KCNQ3: variants seen among roughly 807,000 people sequenced by gnomAD.
The protein encoded by KCNQ3 is potassium voltage-gated channel subfamily KQT member 3.
A neutral mutation model predicts 92.5 loss-of-function variants in KCNQ3; 30 were observed. The ratio of observed to expected loss-of-function variants is 0.32; its 90% CI spans 0.24 to 0.44. The LOEUF is 0.44. Ranked by LOEUF, KCNQ3 falls within the 20% of genes least tolerant of loss-of-function variation. The probability of loss-of-function intolerance (pLI) is 1.00; values close to 1 mark genes in which losing one functional copy is unlikely to be tolerated. For synonymous variants in KCNQ3, 450 were observed against 468.8 expected (o/e 0.96, Z 0.52); for missense variants, 913 against 1,140.3 (o/e 0.80, Z 2.87).
At chr8:132,193,813 G>A (rs1468077914) in intron 1 of KCNQ3, among the ~76,000 whole-genome samples, 1 of 152,224 alleles carries the variant, frequency 6.6e-6, no homozygotes, top group African/African-American at 2.4e-5. Flanking sequence ...CAAAGGGAGT[G>A]AGAAGTCAGA....
At chr8:132,357,590 T>C (rs1819052059) in intron 1 of KCNQ3, among the ~76,000 whole-genome samples, 1 of 152,126 alleles carries the variant, frequency 6.6e-6, no homozygotes, top group Non-Finnish European at 1.5e-5. Flanking sequence ...AAAGGAGATA[T>C]GGGATGAGCG....
chr8:132,339,687 C>A (rs1357412158), intron 1 of KCNQ3, among the ~76,000 whole-genome samples: 3 of 152,112 alleles, frequency 2.0e-5, no homozygotes, highest in Admixed American at 1.3e-4. Flanking sequence ...GCTTATATGA[C>A]AAGCAAACAG....
At chr8:132,352,302 G>C (rs1818897469) in intron 1 of KCNQ3, among the ~76,000 whole-genome samples, 1 of 152,146 alleles carries the variant, frequency 6.6e-6, no homozygotes, top group Admixed American at 6.5e-5. Context: ...GGAGCATTCA[G>C]CGATGCCTGG....
intron 9 of KCNQ3, among the ~76,000 whole-genome samples, chr8:132,153,231 G>A (rs1399513170): frequency 1.3e-5 from 2 of 152,134 alleles, no homozygotes; most frequent in African/African-American, 4.8e-5. Flanking sequence ...CAGATGACAG[G>A]AATAAATAGA....
intron 1 of KCNQ3, among the ~76,000 whole-genome samples, chr8:132,227,060 CTTTT>C (rs923601765): frequency 6.1e-5 from 5 of 82,540 alleles, no homozygotes; most frequent in Admixed American, 1.2e-4. Context: ...ATATCTCACT[CTTTT>C]TTTTTTTTTT....
At position 132,140,157 on chromosome 8, in the gene KCNQ3, A is replaced by G. The variant is rs1450561487; in HGVS notation, c.1487T>C (p.Met496Thr). 1 of 1,613,388 alleles carries G rather than the reference A, an allele frequency of 6.2e-7. No homozygotes were observed. Among genetic ancestry groups the G allele is most frequent in the East Asian group, 2.2e-5 (1 of 44,872 alleles). The change falls in exon 11 of 15, where the codon ATG (methionine) becomes ACG (threonine). Residue 496 changes from methionine (M) to threonine (T), a missense_variant. Met to Thr is a moderately conservative substitution (Grantham distance 81). This residue lies in a region of KCNQ3 where 182 missense variants were observed against 234.5 expected (regional missense o/e 0.78). Transcript: ENST00000388996. ...SSEDAGTGDP[M>T]AEDRGYGNDF... ...ATTCCCATAGCCCCTGTCTTCCGCC[A>G]TGGGGTCACCTGTCCCGGCATCTGG...
chr8:132,139,604 T>C (rs1825218036), intron 11 of KCNQ3, among the ~76,000 whole-genome samples: 1 of 152,226 alleles, frequency 6.6e-6, no homozygotes, highest in Non-Finnish European at 1.5e-5. Context: ...ATAGGTAGAA[T>C]GGATTATGGT....
chr8:132,234,355 T>G (rs1009699676), intron 1 of KCNQ3, among the ~76,000 whole-genome samples: 4 of 139,058 alleles, frequency 2.9e-5, no homozygotes, highest in African/African-American at 1.1e-4. Context: ...TTTTTTTTTT[T>G]TTTTTTTTTT....
intron 1 of KCNQ3, among the ~76,000 whole-genome samples, chr8:132,265,790 C>G (rs1815961869): frequency 6.6e-6 from 1 of 152,176 alleles, no homozygotes; most frequent in Admixed American, 6.5e-5. Context: ...TACCCCATCC[C>G]TTTTTTCCTC....
At chr8:132,435,738 T>G (rs1393732408) in intron 1 of KCNQ3, among the ~76,000 whole-genome samples, 1 of 152,148 alleles carries the variant, frequency 6.6e-6, no homozygotes, top group Non-Finnish European at 1.5e-5. Flanking sequence ...TTTATTAAGA[T>G]GAGGTCTCAC....
At chr8:132,348,937 C>T (rs1818777261) in intron 1 of KCNQ3, among the ~76,000 whole-genome samples, 1 of 152,200 alleles carries the variant, frequency 6.6e-6, no homozygotes, top group Non-Finnish European at 1.5e-5. Context: ...CCCACCTGTA[C>T]CCTCGGGGCC....
intron 1 of KCNQ3, among the ~76,000 whole-genome samples, chr8:132,377,092 G>C (rs1819631026): frequency 6.6e-6 from 1 of 152,192 alleles, no homozygotes; most frequent in African/African-American, 2.4e-5. Flanking sequence ...TGTCTGTGAG[G>C]ATGTTTCCAG....
intron 1 of KCNQ3, among the ~76,000 whole-genome samples, chr8:132,288,448 G>A (rs1490171353): frequency 6.6e-6 from 1 of 152,136 alleles, no homozygotes. Flanking sequence ...GAGATGCTCT[G>A]CTGCTTTTGG....
intron 1 of KCNQ3, among the ~76,000 whole-genome samples, chr8:132,403,161 T>C (rs549933648): frequency 4.6e-5 from 7 of 152,202 alleles, no homozygotes; most frequent in Non-Finnish European, 7.4e-5. Context: ...GCTCAATTTT[T>C]CTGGGAAACC....
At chr8:132,357,415 C>A (rs1226690280) in intron 1 of KCNQ3, among the ~76,000 whole-genome samples, 1 of 152,202 alleles carries the variant, frequency 6.6e-6, no homozygotes, top group African/African-American at 2.4e-5. Context: ...CCATAATTGT[C>A]TGCACGAAAG....
At chr8:132,392,814 AGAC>A (rs1820085696) in intron 1 of KCNQ3, among the ~76,000 whole-genome samples, 1 of 144,158 alleles carries the variant, frequency 6.9e-6, no homozygotes, top group Non-Finnish European at 1.5e-5. Context: ...AAAAAAAAAA[AGAC>A]GACAAAAAAC....
At chr8:132,277,915 T>A (rs1816390276) in intron 1 of KCNQ3, 1 of 982,516 alleles carries the variant, frequency 1.0e-6, no homozygotes, top group African/African-American at 1.7e-5. Flanking sequence ...TGCTCCTACC[T>A]CCCTCTCCTT....
At chr8:132,368,963 G>C (rs984042715) in intron 1 of KCNQ3, among the ~76,000 whole-genome samples, 3 of 152,008 alleles carry the variant, frequency 2.0e-5, no homozygotes, top group Non-Finnish European at 4.4e-5. Context: ...ATGATGTTTA[G>C]TTATGTTCAT....
At chr8:132,381,082 G>GAGTGCCACTATGTGCTA (rs1458132435) in intron 1 of KCNQ3, among the ~76,000 whole-genome samples, 4 of 152,202 alleles carry the variant, frequency 2.6e-5, no homozygotes, top group African/African-American at 9.7e-5. Context: ...AGTAATTACT[G>GAGTGCCACTATGTGCTA]AGTGCCACTA....
Sources: allele counts gnomAD v4.1 joint callset (sites outside exome capture counted in the v4.1 genomes callset), GRCh38; gene constraint gnomAD v4.1.1; regional missense constraint gnomAD v4.1.1; transcripts MANE v1.5; gene names NCBI Gene and HGNC (gene_info 2026-07-23, HGNC 2026-07-21).